The following CNTN3 variants were observed in gnomAD, a reference collection of about 807,000 sequenced individuals.
The protein encoded by CNTN3 is contactin 3, also known as contactin-3.
A neutral mutation model predicts 119.1 loss-of-function variants in CNTN3; 60 were observed. The ratio of observed to expected loss-of-function variants is 0.50; its 90% CI spans 0.41 to 0.62. The LOEUF is 0.62. CNTN3 is among the 20% of genes least tolerant of loss of function. The pLI is 0.00. For missense variants in CNTN3, 1,101 were observed against 1,242.4 expected (o/e 0.89, Z 1.71); for synonymous variants, 450 against 438.7 (o/e 1.03, Z -0.32).
chr3:74,292,519 T>A (rs1431060570), intron 19 of CNTN3, among the ~76,000 whole-genome samples: 2 of 152,128 alleles, frequency 1.3e-5, no homozygotes, highest in Non-Finnish European at 2.9e-5. Context: ...TGAGCTGAGA[T>A]CATGCCACTG....
chr3:74,319,433 T>G (rs868514475), intron 13 of CNTN3, among the ~76,000 whole-genome samples: 62 of 152,110 alleles, frequency 4.1e-4, no homozygotes, highest in African/African-American at 1.5e-3. Flanking sequence ...CCCTATTTAA[T>G]AAATGGTGCT....
chr3:74,396,740 G>A (rs965268181), intron 5 of CNTN3, among the ~76,000 whole-genome samples: 10 of 84,162 alleles, frequency 1.2e-4, no homozygotes, highest in Non-Finnish European at 1.6e-4. Flanking sequence ...GCGAGATTCC[G>A]CCTCAGAAAA....
intron 3 of CNTN3, among the ~76,000 whole-genome samples, chr3:74,490,679 T>C (rs1559629769): frequency 6.6e-6 from 1 of 152,176 alleles, no homozygotes; most frequent in Admixed American, 6.5e-5. Flanking sequence ...TTTGTTCCAT[T>C]ACACACAAAC....
intron 2 of CNTN3, among the ~76,000 whole-genome samples, chr3:74,516,009 G>T (rs1703444416): frequency 6.6e-6 from 1 of 151,838 alleles, no homozygotes; most frequent in African/African-American, 2.4e-5. Context: ...CACCACCAAG[G>T]AGGAACCACT....
Position 74,421,744 on chromosome 3 carries a change from G to GAGT in CNTN3, c.454+3100_454+3101insACT, listed in dbSNP as rs1471595563. 3.9e-5 allele frequency among the ~76,000 whole-genome samples: 6 copies of GAGT among 152,320 alleles called. No homozygotes were observed. In the East Asian group the frequency reaches 9.7e-4, roughly 25 times the overall value. ...GGAAGAAAACCAAATGGACCACAGT[G>GAGT]CAGGCCATGAGCTCTCTGATTAATC... On this transcript the variant is annotated intron_variant, in intron 5 of 22. Transcript: ENST00000263665.
chr3:74,430,231 A>C (rs1472055724), intron 4 of CNTN3, among the ~76,000 whole-genome samples: 1 of 152,198 alleles, frequency 6.6e-6, no homozygotes, highest in Non-Finnish European at 1.5e-5. Context: ...CCTAAACTGG[A>C]AACAACCCAA....
At position 74,426,322 on chromosome 3, in the gene CNTN3, C is replaced by T. The variant is rs572189248; in HGVS notation, c.359-1382G>A. Reference sequence around the variant, plus strand: ...GAAAGAATATACTCACTTCATAGCTCTTAAGGGCTGATATAAATTACCTAA... The same window carrying T: ...GAAAGAATATACTCACTTCATAGCTTTTAAGGGCTGATATAAATTACCTAA... On this transcript the variant is annotated intron_variant, in intron 4 of 22. Transcript: ENST00000263665. Among the ~76,000 whole-genome samples, 13 of 152,266 alleles carry T rather than the reference C, an allele frequency of 8.5e-5. No individual in the cohort carries two copies. The East Asian group carries it at 2.5e-3, about 29-fold the overall frequency.
intron 22 of CNTN3, among the ~76,000 whole-genome samples, chr3:74,266,035 C>T (rs968325532): frequency 6.6e-6 from 1 of 151,988 alleles, no homozygotes; most frequent in Non-Finnish European, 1.5e-5. Context: ...TTTAAGGAGT[C>T]TTTTAGTTTG....
chr3:74,359,560 T>C (rs1448819273), intron 11 of CNTN3, among the ~76,000 whole-genome samples: 3 of 152,094 alleles, frequency 2.0e-5, no homozygotes, highest in African/African-American at 4.8e-5. Context: ...GTATTAAGTA[T>C]AGATTAAAGT....
chr3:74,514,215 G>C (rs1703414706), intron 2 of CNTN3, among the ~76,000 whole-genome samples: 1 of 152,054 alleles, frequency 6.6e-6, no homozygotes, highest in Non-Finnish European at 1.5e-5. Flanking sequence ...GTAATGCAAT[G>C]GTAGTGATAA....
intron 10 of CNTN3, among the ~76,000 whole-genome samples, chr3:74,363,669 C>T (rs1704125898): frequency 6.6e-6 from 1 of 152,120 alleles, no homozygotes; most frequent in Admixed American, 6.6e-5. Context: ...GTCTTTCTTC[C>T]ACTGGAATGA....
intron 11 of CNTN3, among the ~76,000 whole-genome samples, chr3:74,340,544 A>T (rs1297899013): frequency 6.6e-6 from 1 of 152,098 alleles, no homozygotes; most frequent in African/African-American, 2.4e-5. Context: ...ACCCAAAGAG[A>T]ATGACACTTG....
intron 18 of CNTN3, among the ~76,000 whole-genome samples, chr3:74,296,383 A>T (rs9862631): frequency 0.44 from 66,090 of 151,536 alleles, 14,628 homozygotes; most frequent in South Asian, 0.6. Context: ...AATGGCCATC[A>T]CTCCCCAGAC....
chr3:74,327,128 T>TTTG (rs1703153778), intron 13 of CNTN3, among the ~76,000 whole-genome samples: 1 of 142,204 alleles, frequency 7.0e-6, no homozygotes, highest in Non-Finnish European at 1.5e-5. Context: ...TTTTTTTTTT[T>TTTG]TTTGTTTGTT....
chr3:74,438,086 CAA>C (rs1009537855), intron 4 of CNTN3, among the ~76,000 whole-genome samples: 1 of 152,108 alleles, frequency 6.6e-6, no homozygotes, highest in African/African-American at 2.4e-5. Context: ...AATGTGGAAA[CAA>C]AGAGATCATA....
At chr3:74,586,243 T>C (rs182490259) in intron 1 of CNTN3, among the ~76,000 whole-genome samples, 3 of 152,248 alleles carry the variant, frequency 2.0e-5, no homozygotes, top group East Asian at 3.9e-4. Flanking sequence ...TCTATAGTGA[T>C]AGGGGAGGTT....
At chr3:74,391,888 C>T (rs1704919197) in intron 5 of CNTN3, among the ~76,000 whole-genome samples, 1 of 152,156 alleles carries the variant, frequency 6.6e-6, no homozygotes, top group South Asian at 2.1e-4. Flanking sequence ...GAACTCCTAA[C>T]CTCAAGTGAT....
intron 11 of CNTN3, among the ~76,000 whole-genome samples, chr3:74,342,042 C>A (rs989777640): frequency 6.6e-6 from 1 of 151,980 alleles, no homozygotes; most frequent in Admixed American, 6.6e-5. Flanking sequence ...ATGGTACTTT[C>A]TGAGTACATA....
intron 11 of CNTN3, among the ~76,000 whole-genome samples, chr3:74,341,402 A>G (rs1559554904): frequency 6.6e-6 from 1 of 152,158 alleles, no homozygotes; most frequent in Non-Finnish European, 1.5e-5. Context: ...GTAGATAACG[A>G]TGAGTGACTC....
Sources: gnomAD v4.1 joint callset for allele counts (sites outside exome capture counted in the v4.1 genomes callset) on GRCh38, gnomAD v4.1.1 for gene constraint, MANE v1.5 for transcripts, NCBI Gene and HGNC (gene_info 2026-07-23, HGNC 2026-07-21) for gene names.